The following IKZF3 variants were observed in gnomAD, a reference collection of about 807,000 sequenced individuals.
IKZF3 encodes the protein zinc finger protein Aiolos.
A neutral mutation model predicts 49.0 loss-of-function variants in IKZF3; 10 were observed. The ratio of observed to expected loss-of-function variants is 0.20; its 90% CI spans 0.13 to 0.35. IKZF3 has a LOEUF of 0.35. Among genes scored for constraint, IKZF3 ranks in the 10% least tolerant of loss-of-function variants. The probability of loss-of-function intolerance (pLI) is 1.00; values close to 1 mark genes in which losing one functional copy is unlikely to be tolerated. For synonymous variants in IKZF3, 209 were observed against 228.2 expected, an observed-to-expected ratio of 0.92 and a Z score of 0.76; for missense variants, 498 against 664.8, an observed-to-expected ratio of 0.75 and a Z score of 2.76.
At chr17:39,771,668 G>A (rs76540846) in intron 7 of IKZF3, among the ~76,000 whole-genome samples, 9 of 152,280 alleles carry the variant, frequency 5.9e-5, no homozygotes, top group African/African-American at 1.9e-4. Flanking sequence ...TAGTAAACTC[G>A]CCTGGAGTGC....
At chr17:39,832,212 T>C in intron 1 of IKZF3, 61 bp from the exon 2 acceptor site, 4 of 1,276,130 alleles carry the variant, frequency 3.1e-6, no homozygotes. Context: ...GGTTTGAGCA[T>C]TCCAAATTTA....
intron 3 of IKZF3, among the ~76,000 whole-genome samples, chr17:39,801,959 G>T (rs920440355): frequency 1.3e-5 from 2 of 152,058 alleles, no homozygotes; most frequent in African/African-American, 4.8e-5. Flanking sequence ...GGGCGCAGTG[G>T]TTCACGCCTG....
intron 1 of IKZF3, among the ~76,000 whole-genome samples, chr17:39,840,713 A>AT (rs2062439985): frequency 6.6e-6 from 1 of 152,230 alleles, no homozygotes; most frequent in South Asian, 2.1e-4. Context: ...GGCAGGGGAA[A>AT]TACACATAGT....
chr17:39,850,791 C>CTAATATGCTATATAGTATATATACATATA, intron 1 of IKZF3, among the ~76,000 whole-genome samples: 1 of 112,636 alleles, frequency 8.9e-6, no homozygotes, highest in Admixed American at 1.0e-4. Flanking sequence ...ATATACATAT[C>CTAATATGCTATATAGTATATATACATATA]TAATATGCTA....
chr17:39,793,516 A>T (rs1216937459), intron 3 of IKZF3, among the ~76,000 whole-genome samples: 1 of 152,226 alleles, frequency 6.6e-6, no homozygotes, highest in African/African-American at 2.4e-5. Context: ...TGATAAAGGC[A>T]CAACATTGAC....
chr17:39,859,378 A>AT (rs200347729), intron 1 of IKZF3, among the ~76,000 whole-genome samples: 4,624 of 141,276 alleles, frequency 0.033, 193 homozygotes, highest in African/African-American at 0.1. Context: ...CATCCTTATG[A>AT]TTTTTTTTTT....
intron 6 of IKZF3, among the ~76,000 whole-genome samples, chr17:39,782,225 C>T (rs191109774): frequency 3.3e-5 from 5 of 152,244 alleles, no homozygotes; most frequent in Non-Finnish European, 7.4e-5. Context: ...ATAGCTGATG[C>T]ACAATACCAT....
intron 6 of IKZF3, among the ~76,000 whole-genome samples, chr17:39,783,253 G>A (rs1037964532): frequency 6.6e-6 from 1 of 152,174 alleles, no homozygotes; most frequent in Admixed American, 6.5e-5. Context: ...GACAGAGGCA[G>A]GTTCTAACAA....
At position 39,791,555 on chromosome 17, in the gene IKZF3, A is replaced by G; in HGVS notation, c.453T>C (p.Cys151=). ...TGERPFQCNQ[C]GASFTQKGNL... ...TACCTTTCTGAGTAAAAGATGCCCCACACTGATTACACTGGAATGGGCGTT... is the reference window on the plus strand; with the variant it reads ...TACCTTTCTGAGTAAAAGATGCCCCGCACTGATTACACTGGAATGGGCGTT... Residue 151 remains cysteine (C), a synonymous_variant, in exon 5 of 8, where the codon TGT becomes TGC. Coordinates refer to ENST00000346872, the MANE Select transcript of IKZF3 (RefSeq NM_012481.5). 1 of 1,614,122 alleles carries G rather than the reference A, an allele frequency of 6.2e-7. No individual in the cohort carries two copies. The highest frequency in any genetic ancestry group is 8.5e-7 in the Non-Finnish European group (1 of 1,179,982).
intron 3 of IKZF3, among the ~76,000 whole-genome samples, chr17:39,804,633 C>T (rs889663068): frequency 6.6e-6 from 1 of 152,092 alleles, no homozygotes; most frequent in Non-Finnish European, 1.5e-5. Context: ...AGAATAAGGT[C>T]CATGGCCCAC....
intron 1 of IKZF3, among the ~76,000 whole-genome samples, chr17:39,850,598 AATAT>A (rs1449308307): frequency 2.9e-5 from 2 of 70,006 alleles, no homozygotes; most frequent in Non-Finnish European, 3.1e-5. Flanking sequence ...ATGTACATAT[AATAT>A]ATAGCCTATT....
intron 3 of IKZF3, among the ~76,000 whole-genome samples, chr17:39,803,430 T>TG (rs2144022298): frequency 6.6e-6 from 1 of 152,270 alleles, no homozygotes; most frequent in African/African-American, 2.4e-5. Context: ...AGTAGTTACC[T>TG]GGTAGAAACT....
chr17:39,831,848 AAAAC>A (rs897642257), intron 2 of IKZF3, among the ~76,000 whole-genome samples: 253 of 152,284 alleles, frequency 1.7e-3, no homozygotes, highest in African/African-American at 5.1e-3. Context: ...TGAAAAATCA[AAAAC>A]AAACAAACAA....
rs1280137273 is a variant in IKZF3, at chr17:39,761,706, T to TTGTTTG, written c.*4078_*4083dup. ...ACTTTGCCTGGGTTTTTTTGTTTGT[T>TTGTTTG]TGTTTGTTTTTGTTTTAGACAGAGT... On this transcript the variant is annotated 3_prime_UTR_variant, in exon 8 of 8. Coordinates refer to ENST00000346872, the MANE Select transcript of IKZF3 (RefSeq NM_012481.5). 6.6e-6 allele frequency: 1 copy of TTGTTTG among 152,254 alleles called. No individual in the cohort carries two copies. Among genetic ancestry groups the TTGTTTG allele is most frequent in the Non-Finnish European group, 1.5e-5 (1 of 68,114 alleles). The allele number at this position is 152,254 out of a possible 1,614,324, so 9.4% of individuals were successfully genotyped here. A position where few individuals can be genotyped will look rare whatever the true frequency, so the allele number is the denominator to read the frequency against.
chr17:39,861,680 T>C (rs1483540933), intron 1 of IKZF3, among the ~76,000 whole-genome samples: 1 of 152,132 alleles, frequency 6.6e-6, no homozygotes, highest in Non-Finnish European at 1.5e-5. Context: ...AAAACCCTAC[T>C]ACCACAAAAT....
rs765092877 is a variant in IKZF3, at chr17:39,765,977, A to G, written c.1343T>C (p.Val448Ala). The G allele has an allele frequency of 1.2e-6, 2 of 1,613,824 alleles. No homozygotes were observed. Among genetic ancestry groups the G allele is most frequent in the Non-Finnish European group, 1.7e-6 (2 of 1,179,934 alleles). Reference protein sequence around the residue: ...SVKVINKEGEVMDVYRCDHCR... With the variant: ...SVKVINKEGEAMDVYRCDHCR... ...GTGGTCACACCGATACACATCCATC[A>G]CCTCCCCTTCCTTGTTGATCACTTT... Residue 448 changes from valine to alanine, a missense_variant, in exon 8 of 8, where the codon GTG (valine) becomes GCG (alanine). By Grantham distance (64) the Val-to-Ala change is moderately conservative. This residue lies in a region of IKZF3 where 317 missense variants were observed against 397.3 expected (regional missense o/e 0.80). Transcript: ENST00000346872.
intron 3 of IKZF3, among the ~76,000 whole-genome samples, chr17:39,828,919 A>T (rs1411507756): frequency 6.6e-6 from 1 of 152,030 alleles, no homozygotes; most frequent in Non-Finnish European, 1.5e-5. Flanking sequence ...GAGAATCACT[A>T]AAACATGGGA....
At chr17:39,788,964 G>T (rs1056115283) in intron 5 of IKZF3, among the ~76,000 whole-genome samples, 2 of 152,072 alleles carry the variant, frequency 1.3e-5, no homozygotes, top group Admixed American at 6.5e-5. Context: ...TTGAGACAGG[G>T]TCTCACTCTA....
chr17:39,832,090 G>T lies in IKZF3; in HGVS notation c.61+8C>A. The stretch of plus-strand genomic sequence containing the variant: ...GTATATTTCCAGAGAGGAAAGACCT[G>T]ATGTTACCTGCGGGCACAGACTGCT... On this transcript the variant is annotated splice_region_variant and intron_variant, in intron 2 of 7. Transcript: ENST00000346872. 6.2e-7 allele frequency: 1 copy of T among 1,604,570 alleles called. No individual in the cohort carries two copies. The highest frequency in any genetic ancestry group is 8.5e-7 in the Non-Finnish European group (1 of 1,172,300).
Sources: allele counts gnomAD v4.1 joint callset (sites outside exome capture counted in the v4.1 genomes callset), GRCh38; gene constraint gnomAD v4.1.1; regional missense constraint gnomAD v4.1.1; transcripts MANE v1.5; gene names NCBI Gene and HGNC (gene_info 2026-07-23, HGNC 2026-07-21).